PPM1H: variants seen among roughly 807,000 people sequenced by gnomAD.
PPM1H encodes protein phosphatase, Mg2+/Mn2+ dependent 1H.
In PPM1H, 27 loss-of-function variants were observed where a neutral mutation model predicts 54.9. The ratio of observed to expected loss-of-function variants is 0.49; its 90% CI spans 0.36 to 0.68. PPM1H has a LOEUF of 0.68. PPM1H is among the 30% of genes least tolerant of loss of function. The pLI, the probability that PPM1H is intolerant of heterozygous loss-of-function variation, is 0.00. For missense variants in PPM1H, 596 were observed against 667.8 expected (o/e 0.89, Z 1.19); for synonymous variants, 305 against 270.8 (o/e 1.13, Z -1.24).
chr12:62,756,330 A>T, intron 4 of PPM1H: 1 of 501,008 alleles, frequency 2.0e-6, no homozygotes, highest in Non-Finnish European at 3.7e-6. Context: ...CACAACACTG[A>T]GAATCTCCCT....
intron 1 of PPM1H, among the ~76,000 whole-genome samples, chr12:62,913,175 A>T (rs568801330): frequency 1.3e-3 from 194 of 152,304 alleles, no homozygotes; most frequent in Non-Finnish European, 2.2e-3. Context: ...GAAATGTTCT[A>T]GAAAGCTTGG....
intron 1 of PPM1H, among the ~76,000 whole-genome samples, chr12:62,890,278 T>C (rs368934479): frequency 3.0e-4 from 45 of 152,156 alleles, no homozygotes; most frequent in South Asian, 1.0e-3. Flanking sequence ...CTGGGCAACA[T>C]TGGTGCAACC....
chr12:62,837,180 T>G (rs866260104), intron 1 of PPM1H, among the ~76,000 whole-genome samples: 1 of 152,248 alleles, frequency 6.6e-6, no homozygotes, highest in Non-Finnish European at 1.5e-5. Context: ...AGCAGAAAAG[T>G]CTTGCTTTTA....
chr12:62,711,780 T>C (rs1231677469), intron 6 of PPM1H, among the ~76,000 whole-genome samples: 1 of 152,308 alleles, frequency 6.6e-6, no homozygotes, highest in East Asian at 1.9e-4. Flanking sequence ...AGTGCATTCA[T>C]GCGTGCATGC....
chr12:62,875,730 A>T (rs1348207001), intron 1 of PPM1H, among the ~76,000 whole-genome samples: 1 of 152,188 alleles, frequency 6.6e-6, no homozygotes, highest in Non-Finnish European at 1.5e-5. Context: ...ATAAAAGAGC[A>T]CTGGGCTGGT....
chr12:62,914,428 G>A (rs997585414), intron 1 of PPM1H, among the ~76,000 whole-genome samples: 3 of 152,196 alleles, frequency 2.0e-5, no homozygotes, highest in African/African-American at 7.2e-5. Flanking sequence ...ACAAGGAGGG[G>A]AAGATTTTCT....
intron 1 of PPM1H, among the ~76,000 whole-genome samples, chr12:62,856,096 T>A (rs1592638159): frequency 6.6e-6 from 1 of 152,208 alleles, no homozygotes; most frequent in African/African-American, 2.4e-5. Context: ...TTTGGATGGC[T>A]TCTTCTCCAG....
chr12:62,698,886 T>C (rs1474648344), intron 6 of PPM1H, among the ~76,000 whole-genome samples: 1 of 152,160 alleles, frequency 6.6e-6, no homozygotes, highest in Admixed American at 6.5e-5. Flanking sequence ...ATTAATTTTA[T>C]CTTGTTAGTT....
intron 9 of PPM1H, among the ~76,000 whole-genome samples, chr12:62,660,965 A>C (rs1318793456): frequency 6.6e-6 from 1 of 152,216 alleles, no homozygotes; most frequent in African/African-American, 2.4e-5. Context: ...AACAAATTAC[A>C]TAAATTCCAT....
At chr12:62,860,370 A>C (rs182337318) in intron 1 of PPM1H, among the ~76,000 whole-genome samples, 1 of 152,320 alleles carries the variant, frequency 6.6e-6, no homozygotes, top group East Asian at 1.9e-4. Flanking sequence ...CAGCCAAACC[A>C]TATTACAGGG....
At chr12:62,663,522 G>A (rs994194948) in intron 9 of PPM1H, among the ~76,000 whole-genome samples, 2 of 152,112 alleles carry the variant, frequency 1.3e-5, no homozygotes, top group African/African-American at 4.8e-5. Context: ...AGGTGCTGCT[G>A]ATGCCATGTA....
chr12:62,795,638 G>T (rs1263001343), intron 3 of PPM1H, among the ~76,000 whole-genome samples: 1 of 151,730 alleles, frequency 6.6e-6, no homozygotes, highest in Non-Finnish European at 1.5e-5. Context: ...TAGAGACGGG[G>T]TTTCACCGTG....
At chr12:62,725,013 T>G (rs146325899) in intron 5 of PPM1H, among the ~76,000 whole-genome samples, 24 of 152,346 alleles carry the variant, frequency 1.6e-4, no homozygotes, top group African/African-American at 4.8e-4. Context: ...CATTTTTTAA[T>G]TAATCCACAA....
intron 1 of PPM1H, among the ~76,000 whole-genome samples, chr12:62,892,073 GCTCATGCCTTTGATCT>G (rs1447806233): frequency 5.3e-5 from 8 of 152,136 alleles, no homozygotes; most frequent in Non-Finnish European, 1.0e-4. Flanking sequence ...CACAGCCTCT[GCTCATGCCTTTGATCT>G]CTGTAGTACC....
intron 1 of PPM1H, among the ~76,000 whole-genome samples, chr12:62,862,615 G>GT (rs1869641139): frequency 6.6e-6 from 1 of 152,192 alleles, no homozygotes; most frequent in African/African-American, 2.4e-5. Context: ...TGTGAATTTG[G>GT]TGTACAGCTT....
At chr12:62,855,896 T>G (rs767782847) in intron 1 of PPM1H, among the ~76,000 whole-genome samples, 1 of 152,232 alleles carries the variant, frequency 6.6e-6, no homozygotes, top group Non-Finnish European at 1.5e-5. Flanking sequence ...AAGAGTTTGA[T>G]CCTTTCAGGT....
chr12:62,885,612 G>A (rs991260910), intron 1 of PPM1H, among the ~76,000 whole-genome samples: 3 of 152,100 alleles, frequency 2.0e-5, no homozygotes, highest in African/African-American at 7.2e-5. Flanking sequence ...GTAGAGGGCT[G>A]GAATCTTGGG....
At chr12:62,841,674 G>T (rs1868755183) in intron 1 of PPM1H, among the ~76,000 whole-genome samples, 1 of 152,174 alleles carries the variant, frequency 6.6e-6, no homozygotes. Flanking sequence ...AGAGATACAG[G>T]TTTGGGTAGA....
At chr12:62,651,529 T>C (rs925905915) in intron 9 of PPM1H, among the ~76,000 whole-genome samples, 1 of 152,188 alleles carries the variant, frequency 6.6e-6, no homozygotes, top group African/African-American at 2.4e-5. Context: ...AAGGATTAGG[T>C]CACCTAGAAA....
Sources: allele counts gnomAD v4.1 joint callset (sites outside exome capture counted in the v4.1 genomes callset), GRCh38; gene constraint gnomAD v4.1.1; transcripts MANE v1.5; gene names NCBI Gene and HGNC (gene_info 2026-07-23, HGNC 2026-07-21).